The following NOX4 variants were observed in gnomAD, a reference collection of about 807,000 sequenced individuals.
The protein encoded by NOX4 is NADPH oxidase 4, also known as kidney oxidase-1.
A neutral mutation model predicts 87.6 loss-of-function variants in NOX4; 69 were observed. That is an observed-to-expected ratio of 0.79 (90% confidence interval 0.65 to 0.96). The LOEUF (loss-of-function observed/expected upper bound fraction) is 0.96. Ranked by LOEUF, NOX4 falls within the 40% of genes least tolerant of loss-of-function variation. The pLI, the probability that NOX4 is intolerant of heterozygous loss-of-function variation, is 0.00. For synonymous variants in NOX4, 275 were observed against 238.2 expected, an observed-to-expected ratio of 1.15 and a Z score of -1.42; for missense variants, 680 against 681.5, an observed-to-expected ratio of 1.00 and a Z score of 0.02.
chr11:89,386,079 C>T (rs943517279), intron 11 of NOX4, among the ~76,000 whole-genome samples: 4 of 152,100 alleles, frequency 2.6e-5, no homozygotes, highest in African/African-American at 7.2e-5. Context: ...TCAAGCTCAG[C>T]CTCCAACTTA....
intron 11 of NOX4, 94 bp downstream of exon 11, chr11:89,399,923 C>A (rs1433259434): frequency 2.6e-6 from 2 of 776,686 alleles, no homozygotes; most frequent in Admixed American, 2.6e-5. Context: ...ACTATGATAG[C>A]CTTGAATACC....
chr11:89,536,582 G>T, the NOX4 span, among the ~76,000 whole-genome samples: 1 of 152,088 alleles, frequency 6.6e-6, no homozygotes, highest in Non-Finnish European at 1.5e-5. Flanking sequence ...TTCAAATAGT[G>T]CTGGTTCATC....
At chr11:89,490,745 C>G in intron 1 of NOX4, 192 bp from the exon 2 acceptor site, 3 of 699,534 alleles carry the variant, frequency 4.3e-6, no homozygotes, top group Non-Finnish European at 7.8e-6. Flanking sequence ...TTTACCCAGC[C>G]CTTTCACCTG....
chr11:89,464,892 T>C lies in NOX4; in HGVS notation c.154-12997A>G, dbSNP rs1357039582. On this transcript the variant is annotated intron_variant, in intron 2 of 17. Transcript: ENST00000263317. ...CATTTGTTGAAGCCCTAGTCACCAA[T>C]GTGATGGTATTTGGAGTTAAGGCCT... Among the ~76,000 whole-genome samples, 9 of 152,320 alleles carry C rather than the reference T, an allele frequency of 5.9e-5. No homozygotes were observed. The East Asian group carries it at 1.5e-3, about 26-fold the overall frequency.
chr11:89,460,316 C>G (rs185155837), intron 2 of NOX4, among the ~76,000 whole-genome samples: 3,102 of 152,206 alleles, frequency 0.02, 113 homozygotes, highest in African/African-American at 0.069. Flanking sequence ...CAAATGGGAT[C>G]TAATTAAACT....
At chr11:89,391,723 G>A (rs1941138109) in intron 11 of NOX4, among the ~76,000 whole-genome samples, 1 of 131,610 alleles carries the variant, frequency 7.6e-6, no homozygotes, top group East Asian at 2.2e-4. Context: ...CTGGGTGACA[G>A]AGGCAGACCT....
chr11:89,558,188 G>A, the NOX4 span, among the ~76,000 whole-genome samples: 1 of 151,916 alleles, frequency 6.6e-6, no homozygotes, highest in Non-Finnish European at 1.5e-5. Flanking sequence ...TTAGCTAGAG[G>A]GACTGCATTA....
chr11:89,438,841 ATATATTATATAATATATTATATATTAT>A (rs1944282761), intron 6 of NOX4, among the ~76,000 whole-genome samples: 2 of 38,022 alleles, frequency 5.3e-5, no homozygotes, highest in African/African-American at 4.4e-4. Flanking sequence ...TATATATTAT[ATATATTATATAATATATTATATATTAT>A]ATATATAATA....
At chr11:89,584,103 T>C in the NOX4 span, among the ~76,000 whole-genome samples, 1 of 152,164 alleles carries the variant, frequency 6.6e-6, no homozygotes, top group Non-Finnish European at 1.5e-5. Flanking sequence ...TTCCTACTCA[T>C]TCTTCTTAGG....
chr11:89,352,012 A>T (rs539480569), intron 13 of NOX4, among the ~76,000 whole-genome samples: 2 of 152,332 alleles, frequency 1.3e-5, no homozygotes, highest in African/African-American at 4.8e-5. Context: ...AGACACAGAA[A>T]GTTAAATACT....
the NOX4 span, among the ~76,000 whole-genome samples, chr11:89,579,336 C>T: frequency 5.9e-5 from 9 of 151,990 alleles, no homozygotes; most frequent in Non-Finnish European, 1.2e-4. Flanking sequence ...TGTGTATGTT[C>T]ATCAATTGTA....
chr11:89,531,015 A>C, the NOX4 span, among the ~76,000 whole-genome samples: 1 of 151,820 alleles, frequency 6.6e-6, no homozygotes, highest in African/African-American at 2.4e-5. Context: ...TTCTCATTGG[A>C]CTCTGTGACG....
intron 17 of NOX4, among the ~76,000 whole-genome samples, chr11:89,335,414 CA>C (rs1215520105): frequency 2.0e-5 from 3 of 151,402 alleles, no homozygotes; most frequent in South Asian, 4.2e-4. Flanking sequence ...GAAAAACAAA[CA>C]AAAAACATTC....
chr11:89,578,653 C>T, the NOX4 span, among the ~76,000 whole-genome samples: 1 of 152,080 alleles, frequency 6.6e-6, no homozygotes, highest in African/African-American at 2.4e-5. Context: ...GTGAAGATTC[C>T]ATAGCCACAA....
intron 7 of NOX4, among the ~76,000 whole-genome samples, chr11:89,425,511 A>C (rs1943342667): frequency 6.6e-6 from 1 of 152,096 alleles, no homozygotes; most frequent in African/African-American, 2.4e-5. Flanking sequence ...CTGTGCCATC[A>C]GTAAAGAGAA....
At chr11:89,506,237 G>GAAAGAAAGAAAGAA in the NOX4 span, among the ~76,000 whole-genome samples, 1 of 135,756 alleles carries the variant, frequency 7.4e-6, no homozygotes, top group African/African-American at 2.7e-5. Flanking sequence ...AAGAAAGAAA[G>GAAAGAAAGAAAGAA]AGAGAGAGAG....
intron 11 of NOX4, among the ~76,000 whole-genome samples, chr11:89,384,159 G>A (rs1424661256): frequency 2.6e-5 from 4 of 152,034 alleles, no homozygotes; most frequent in Non-Finnish European, 5.9e-5. Flanking sequence ...TCCACCCCAT[G>A]GTGCCAAACC....
the NOX4 span, among the ~76,000 whole-genome samples, chr11:89,506,262 A>G: frequency 6.8e-6 from 1 of 147,422 alleles, no homozygotes; most frequent in Non-Finnish European, 1.5e-5. Flanking sequence ...AAAAAAAGAA[A>G]GAGAAAGAAA....
chr11:89,521,478 T>C, the NOX4 span, among the ~76,000 whole-genome samples: 1 of 152,150 alleles, frequency 6.6e-6, no homozygotes, highest in African/African-American at 2.4e-5. Flanking sequence ...TGGTTAGTCA[T>C]ATGCAGAAGA....
Sources: allele counts gnomAD v4.1 joint callset (sites outside exome capture counted in the v4.1 genomes callset), GRCh38; gene constraint gnomAD v4.1.1; transcripts MANE v1.5; gene names NCBI Gene and HGNC (gene_info 2026-07-23, HGNC 2026-07-21).